Variants in MIPEP observed in about 807,000 individuals in gnomAD.
MIPEP encodes the protein mitochondrial intermediate peptidase.
Under a neutral mutation model 90.3 loss-of-function variants are expected in MIPEP, and 79 were observed. That is an observed-to-expected ratio of 0.87 (90% CI 0.73 to 1.05). The LOEUF (loss-of-function observed/expected upper bound fraction) is 1.05. Ranked by LOEUF, MIPEP falls within the 50% of genes least tolerant of loss-of-function variation. MIPEP has a pLI of 0.00. For missense variants in MIPEP, 940 were observed against 905.6 expected (o/e 1.04, Z -0.49); for synonymous variants, 334 against 315.8 (o/e 1.06, Z -0.61).
intron 5 of MIPEP, among the ~76,000 whole-genome samples, chr13:23,873,872 C>T (rs988037535): frequency 2.0e-5 from 3 of 152,170 alleles, no homozygotes; most frequent in Non-Finnish European, 2.9e-5. Context: ...GCTGGGAAGG[C>T]ACGTCCTGGC....
intron 16 of MIPEP, chr13:23,760,613 G>A (rs150279188): frequency 7.0e-5 from 37 of 525,038 alleles, no homozygotes; most frequent in African/African-American, 5.2e-4. Context: ...AAGAGGCCTC[G>A]GGAGAAGCCA....
At chr13:23,843,883 G>C (rs1260048724) in intron 10 of MIPEP, among the ~76,000 whole-genome samples, 4 of 152,178 alleles carry the variant, frequency 2.6e-5, no homozygotes, top group Admixed American at 2.0e-4. Flanking sequence ...TCAGGTTTCT[G>C]GCTTGGACAA....
At chr13:23,745,784 G>A (rs9553042) in intron 18 of MIPEP, among the ~76,000 whole-genome samples, 20,975 of 151,560 alleles carry the variant, frequency 0.14, 1,778 homozygotes, top group South Asian at 0.23. Context: ...AAAAATTAGC[G>A]AAGTGTGGTG....
chr13:23,887,534 C>T (rs1482110888), intron 1 of MIPEP, among the ~76,000 whole-genome samples: 1 of 152,152 alleles, frequency 6.6e-6, no homozygotes, highest in Non-Finnish European at 1.5e-5. Flanking sequence ...CCATACTTCT[C>T]TATTACAATT....
intron 18 of MIPEP, among the ~76,000 whole-genome samples, chr13:23,752,781 G>A (rs1036354246): frequency 6.6e-6 from 1 of 152,130 alleles, no homozygotes; most frequent in Non-Finnish European, 1.5e-5. Flanking sequence ...TTAAGTGACT[G>A]AATGTCATGC....
Position 23,765,439 on chromosome 13 carries a change from G to C in MIPEP, c.1849-5222C>G, listed in dbSNP as rs535262470. On this transcript the variant is annotated intron_variant, in intron 16 of 18. Transcript: ENST00000382172. ...ATCTTATTGCTGTTAATCTCTTACT[G>C]TGCCTAATTTATAAATGTCACTTTA... Among the ~76,000 whole-genome samples, 4 of 152,194 alleles carry C rather than the reference G, an allele frequency of 2.6e-5. No homozygotes were observed. The South Asian group carries it at 8.3e-4, about 32-fold the overall frequency.
chr13:23,773,100 G>T (rs1952671552), intron 16 of MIPEP, among the ~76,000 whole-genome samples: 1 of 152,130 alleles, frequency 6.6e-6, no homozygotes, highest in Admixed American at 6.5e-5. Context: ...TCACTCCCAA[G>T]AGAAACCCCG....
chr13:23,770,696 C>T (rs1284540487), intron 16 of MIPEP, among the ~76,000 whole-genome samples: 3 of 152,126 alleles, frequency 2.0e-5, no homozygotes, highest in Non-Finnish European at 1.5e-5. Context: ...CCAGAGACCG[C>T]CACTGCCCCC....
intron 18 of MIPEP, among the ~76,000 whole-genome samples, chr13:23,755,671 T>C (rs1320273397): frequency 6.6e-6 from 1 of 152,248 alleles, no homozygotes; most frequent in Non-Finnish European, 1.5e-5. Context: ...AATGTTCTTA[T>C]ATTCATACAT....
intron 10 of MIPEP, among the ~76,000 whole-genome samples, chr13:23,854,048 A>C (rs74553290): frequency 8.6e-5 from 13 of 151,548 alleles, no homozygotes; most frequent in Admixed American, 2.6e-4. Context: ...GTAATTGGCC[A>C]GGCGCGGTGG....
At position 23,852,841 on chromosome 13, in the gene MIPEP, T is replaced by C. The variant is rs145263818; in HGVS notation, c.1106+6019A>G. 5.5e-3 allele frequency among the ~76,000 whole-genome samples: 832 copies of C among 152,280 alleles called. 9 individuals carry two copies. The highest frequency in any genetic ancestry group is 0.019 in the African/African-American group (787 of 41,540). ...CCTGTTATTTCCCTTGCAGACCTTCTAGTAGGACAAGATGTGGAGGTGGAA... is the reference window on the plus strand; with the variant it reads ...CCTGTTATTTCCCTTGCAGACCTTCCAGTAGGACAAGATGTGGAGGTGGAA... On this transcript the variant is annotated intron_variant, in intron 10 of 18. Coordinates refer to ENST00000382172, the MANE Select transcript of MIPEP (RefSeq NM_005932.4).
At chr13:23,745,454 C>T (rs1450881962) in intron 18 of MIPEP, among the ~76,000 whole-genome samples, 1 of 152,178 alleles carries the variant, frequency 6.6e-6, no homozygotes, top group East Asian at 1.9e-4. Flanking sequence ...AAAGAGTTGG[C>T]TAGCAAATGT....
In MIPEP at chr13:23,730,377, A is replaced by T; in HGVS notation, c.2113T>A (p.Phe705Ile). ...SALVSDLDLDFETFLMDSE is the reference protein window; with the variant it reads ...SALVSDLDLDIETFLMDSE ...TCAGAATCCATGAGGAAAGTTTCGA[A>T]GTCCAGATCCAAGTCGGAAACGAGG... Residue 705 changes from phenylalanine (F) to isoleucine (I), a missense_variant, in exon 19 of 19, where the codon TTC becomes ATC. Coordinates refer to ENST00000382172, the MANE Select transcript of MIPEP (RefSeq NM_005932.4). 6.2e-7 allele frequency: 1 copy of T among 1,612,464 alleles called. No homozygotes were observed. The highest frequency in any genetic ancestry group is 8.5e-7 in the Non-Finnish European group (1 of 1,178,852).
intron 18 of MIPEP, among the ~76,000 whole-genome samples, chr13:23,745,012 G>C: frequency 6.6e-6 from 1 of 152,134 alleles, no homozygotes; most frequent in Middle Eastern, 3.2e-3. Context: ...TTAAGTACAG[G>C]TTGGCCTTCC....
chr13:23,873,511 C>T (rs1247977834), intron 5 of MIPEP, among the ~76,000 whole-genome samples: 1 of 152,110 alleles, frequency 6.6e-6, no homozygotes, highest in Non-Finnish European at 1.5e-5. Flanking sequence ...AATAGTAGCA[C>T]CAAGCTCAAA....
intron 3 of MIPEP, among the ~76,000 whole-genome samples, chr13:23,879,840 T>C (rs1242097471): frequency 6.6e-6 from 1 of 152,150 alleles, no homozygotes; most frequent in Non-Finnish European, 1.5e-5. Flanking sequence ...GAGGATTAAA[T>C]GAGATCATGT....
At chr13:23,839,448 G>C (rs1056498547) in intron 12 of MIPEP, among the ~76,000 whole-genome samples, 4 of 152,082 alleles carry the variant, frequency 2.6e-5, no homozygotes, top group African/African-American at 9.7e-5. Flanking sequence ...CCAGATAAAA[G>C]TGACAAATAT....
At chr13:23,806,513 TA>T (rs1452174005) in intron 15 of MIPEP, among the ~76,000 whole-genome samples, 1 of 151,980 alleles carries the variant, frequency 6.6e-6, no homozygotes, top group Admixed American at 6.6e-5. Context: ...CCGTTTCTAC[TA>T]AAAATACAAA....
rs140185142 is a variant in MIPEP, at chr13:23,741,653, G to A, written c.2045-11208C>T. On this transcript the variant is annotated intron_variant, in intron 18 of 18. Coordinates refer to ENST00000382172, the MANE Select transcript of MIPEP (RefSeq NM_005932.4). ...ATGGACACAGAGGGGAACAACACAC[G>A]CTGACGCCTATGTGAGTGTGGAGCA... Among the ~76,000 whole-genome samples the A allele has an allele frequency of 7.0e-3, 1,059 of 151,726 alleles. 19 individuals are homozygous for A. The highest frequency in any genetic ancestry group is 0.025 in the African/African-American group (1,019 of 41,326).
Sources: gnomAD v4.1 joint callset for allele counts (sites outside exome capture counted in the v4.1 genomes callset) on GRCh38, gnomAD v4.1.1 for gene constraint, MANE v1.5 for transcripts, NCBI Gene and HGNC (gene_info 2026-07-23, HGNC 2026-07-21) for gene names.